Variants in PLXNA2 observed in about 807,000 individuals in gnomAD.
The protein encoded by PLXNA2 is plexin A2, also known as plexin-A2.
Under a neutral mutation model 193.5 loss-of-function variants are expected in PLXNA2, and 91 were observed. That is an observed-to-expected ratio of 0.47 (90% CI 0.40 to 0.56). PLXNA2 has a LOEUF of 0.56. Among genes scored for constraint, PLXNA2 ranks in the 20% least tolerant of loss-of-function variants. PLXNA2 has a pLI of 0.00. For missense variants in PLXNA2, 1,995 were observed against 2,503.2 expected (o/e 0.80, Z 4.33); for synonymous variants, 997 against 1,027.3 (o/e 0.97, Z 0.56).
chr1:208,109,635 C>T (rs1254845562), intron 4 of PLXNA2, among the ~76,000 whole-genome samples: 2 of 152,216 alleles, frequency 1.3e-5, no homozygotes, highest in African/African-American at 2.4e-5. Flanking sequence ...GAAATTAAGG[C>T]CCCCAAAGAG....
intron 1 of PLXNA2, chr1:208,230,266 A>C (rs1203301090): frequency 6.6e-6 from 1 of 152,252 alleles, no homozygotes; most frequent in African/African-American, 2.4e-5. Flanking sequence ...CTGGTGACCC[A>C]GCACCTGCCT....
At chr1:208,091,868 CAA>C (rs10655053) in intron 9 of PLXNA2, among the ~76,000 whole-genome samples, 12 of 130,948 alleles carry the variant, frequency 9.2e-5, no homozygotes, top group Admixed American at 2.4e-4. Context: ...GACTTCATAT[CAA>C]AAAAAAAAAA....
At chr1:208,238,954 G>A (rs1209328512) in intron 1 of PLXNA2, among the ~76,000 whole-genome samples, 4 of 152,108 alleles carry the variant, frequency 2.6e-5, no homozygotes, top group Non-Finnish European at 5.9e-5. Flanking sequence ...AGCCCTAGAC[G>A]TGACCTGTTG....
intron 6 of PLXNA2, among the ~76,000 whole-genome samples, chr1:208,098,363 T>A (rs942285679): frequency 2.3e-4 from 35 of 152,136 alleles, no homozygotes; most frequent in African/African-American, 7.2e-4. Flanking sequence ...TATTTTATTC[T>A]CTTTAATATT....
intron 5 of PLXNA2, among the ~76,000 whole-genome samples, chr1:208,101,759 T>A (rs1406044530): frequency 1.3e-5 from 2 of 152,132 alleles, no homozygotes; most frequent in Non-Finnish European, 2.9e-5. Flanking sequence ...ATGGGAGAAG[T>A]GCCACAGGCA....
intron 9 of PLXNA2, among the ~76,000 whole-genome samples, chr1:208,085,673 G>A (rs1666495571): frequency 6.6e-6 from 1 of 152,238 alleles, no homozygotes; most frequent in African/African-American, 2.4e-5. Context: ...CTCTTGTCAT[G>A]GTGTGGCTCG....
In PLXNA2 at chr1:208,091,817, C is replaced by T. The variant is rs922449704; in HGVS notation, c.2097+969G>A. ...CCCGGGAGGCAGAGGTTGCAGTGAGCGGAGATCACGCCATTGCACTCCAGC... is the reference window on the plus strand; with the variant it reads ...CCCGGGAGGCAGAGGTTGCAGTGAGTGGAGATCACGCCATTGCACTCCAGC... On this transcript the variant is annotated intron_variant, in intron 9 of 31. Transcript: ENST00000367033. Among the ~76,000 whole-genome samples, 17 of 144,108 alleles carry T rather than the reference C, an allele frequency of 1.2e-4. No individual in the cohort carries two copies. The East Asian group carries it at 2.9e-3, about 25-fold the overall frequency. The allele number at this position is 144,108 out of a possible 152,430, so 94.5% of individuals were successfully genotyped here. A position where few individuals can be genotyped will look rare whatever the true frequency, so the allele number is the denominator to read the frequency against.
intron 4 of PLXNA2, among the ~76,000 whole-genome samples, chr1:208,127,881 G>A (rs552864143): frequency 3.7e-4 from 56 of 152,326 alleles, no homozygotes; most frequent in African/African-American, 1.3e-3. Flanking sequence ...AGCGAGTAGG[G>A]AAGATCAATA....
intron 4 of PLXNA2, among the ~76,000 whole-genome samples, chr1:208,137,127 A>C (rs1340136939): frequency 6.6e-6 from 1 of 152,088 alleles, no homozygotes; most frequent in Non-Finnish European, 1.5e-5. Flanking sequence ...GAAGTAGAGA[A>C]CAGAATCCCA....
At chr1:208,040,383 A>C in intron 22 of PLXNA2, 1 of 302,804 alleles carries the variant, frequency 3.3e-6, no homozygotes, top group Non-Finnish European at 6.2e-6. Flanking sequence ...CAGGGCTATA[A>C]AGAACCGGTT....
intron 3 of PLXNA2, among the ~76,000 whole-genome samples, chr1:208,150,606 T>C (rs952790636): frequency 3.9e-5 from 6 of 152,106 alleles, no homozygotes; most frequent in Non-Finnish European, 8.8e-5. Context: ...GATTGGCTGG[T>C]GAGGATCTCC....
chr1:208,143,902 C>T lies in PLXNA2; in HGVS notation c.1372-1439G>A, dbSNP rs546322850. On this transcript the variant is annotated intron_variant, in intron 3 of 31. Coordinates refer to ENST00000367033, the MANE Select transcript of PLXNA2 (RefSeq NM_025179.4). Reference sequence around the variant, plus strand: ...GATATCTTTTCTATTTATCTTATAACCCTCTGAGGACTAGCATGCGACTGG... The same window carrying T: ...GATATCTTTTCTATTTATCTTATAATCCTCTGAGGACTAGCATGCGACTGG... Among the ~76,000 whole-genome samples the T allele has an allele frequency of 5.9e-5, 9 of 152,282 alleles. No individual in the cohort carries two copies. In the South Asian group the frequency reaches 1.9e-3, roughly 32 times the overall value.
chr1:208,079,584 G>T, intron 11 of PLXNA2, 134 bp from the exon 12 acceptor site: 1 of 654,802 alleles, frequency 1.5e-6, no homozygotes, highest in Admixed American at 2.8e-5. Flanking sequence ...CATTATCATT[G>T]CAAGAATGAC....
intron 3 of PLXNA2, among the ~76,000 whole-genome samples, chr1:208,158,076 G>T (rs1423135064): frequency 1.1e-4 from 17 of 152,224 alleles, no homozygotes. Flanking sequence ...AAGTGGGAAA[G>T]AAGGAAGGTA....
chr1:208,221,962 T>C (rs190162871), intron 1 of PLXNA2, among the ~76,000 whole-genome samples: 174 of 152,370 alleles, frequency 1.1e-3, no homozygotes, highest in South Asian at 1.9e-3. Context: ...AGCTACGTCA[T>C]AGGATTATTA....
chr1:208,033,636 C>T (rs1438337962), intron 27 of PLXNA2, 127 bp from the exon 28 acceptor site: 36 of 675,158 alleles, frequency 5.3e-5, no homozygotes, highest in Middle Eastern at 4.3e-4. Flanking sequence ...GAAAGGGGAC[C>T]GTTGGGACCT....
rs772055485 is a variant in PLXNA2 at position 208,060,829 on chromosome 1, C to T, written c.2595G>A (p.Thr865=). ...CSNPQITEIL[T]VSGPPEGGTR... is the part of the protein sequence containing the mutation. ...TCCCTCCTTCCGGCGGTCCAGACAC[C>T]GTCAAAATCTGCAGGAGGGAAATGG... The change falls in exon 13 of 32, where the codon ACG becomes ACA. Residue 865 remains threonine, a synonymous_variant. Coordinates refer to ENST00000367033, the MANE Select transcript of PLXNA2 (RefSeq NM_025179.4). The T allele has an allele frequency of 2.4e-5, 39 of 1,613,640 alleles. No homozygotes were observed. Among genetic ancestry groups the T allele is most frequent in the African/African-American group, 2.7e-5 (2 of 74,894 alleles).
chr1:208,160,317 G>A (rs1443169518), intron 3 of PLXNA2, among the ~76,000 whole-genome samples: 1 of 152,220 alleles, frequency 6.6e-6, no homozygotes, highest in Non-Finnish European at 1.5e-5. Context: ...AAGAGTAGCT[G>A]TATAAGGTTC....
chr1:208,061,922 A>G (rs1665632467), intron 12 of PLXNA2, among the ~76,000 whole-genome samples: 1 of 152,214 alleles, frequency 6.6e-6, no homozygotes, highest in African/African-American at 2.4e-5. Context: ...ATCTTATTCT[A>G]AGATACTTAC....
Sources: allele counts gnomAD v4.1 joint callset (sites outside exome capture counted in the v4.1 genomes callset), GRCh38; gene constraint gnomAD v4.1.1; transcripts MANE v1.5; gene names NCBI Gene and HGNC (gene_info 2026-07-23, HGNC 2026-07-21).